The following GALNTL6 variants were observed in gnomAD, a reference collection of about 807,000 sequenced individuals.
The protein encoded by GALNTL6 is polypeptide N-acetylgalactosaminyltransferase-like 6.
Under a neutral mutation model 73.7 loss-of-function variants are expected in GALNTL6, and 46 were observed. That is an observed-to-expected ratio of 0.62 (90% CI 0.49 to 0.80). The LOEUF (loss-of-function observed/expected upper bound fraction) is 0.80, where lower values mean the gene tolerates loss of function less well. Among genes scored for constraint, GALNTL6 ranks in the 30% least tolerant of loss-of-function variants. The probability of loss-of-function intolerance (pLI) is 0.00; values close to 1 mark genes in which losing one functional copy is unlikely to be tolerated. For missense variants in GALNTL6, 604 were observed against 755.0 expected (o/e 0.80, Z 2.34); for synonymous variants, 259 against 263.7 (o/e 0.98, Z 0.17).
chr4:172,553,281 T>G (rs1736030537), intron 5 of GALNTL6, among the ~76,000 whole-genome samples: 1 of 152,194 alleles, frequency 6.6e-6, no homozygotes, highest in South Asian at 2.1e-4. Flanking sequence ...CAAATTGACT[T>G]GAACAGCCTC....
At chr4:172,538,221 G>A (rs1361327234) in intron 5 of GALNTL6, among the ~76,000 whole-genome samples, 2 of 152,094 alleles carry the variant, frequency 1.3e-5, no homozygotes, top group African/African-American at 2.4e-5. Flanking sequence ...AGCACTTTGG[G>A]AGACTGAGGT....
chr4:172,037,019 G>A (rs1741946622), intron 2 of GALNTL6, among the ~76,000 whole-genome samples: 1 of 152,016 alleles, frequency 6.6e-6, no homozygotes, highest in Admixed American at 6.6e-5. Flanking sequence ...GATATGTGTG[G>A]AATGATGGCT....
chr4:172,965,725 C>G (rs1447250489), intron 10 of GALNTL6, among the ~76,000 whole-genome samples: 2 of 151,812 alleles, frequency 1.3e-5, no homozygotes, highest in Non-Finnish European at 2.9e-5. Context: ...ATTAGAGGTG[C>G]TTCCGAGTTA....
intron 5 of GALNTL6, among the ~76,000 whole-genome samples, chr4:172,775,682 T>A (rs1246679131): frequency 2.0e-5 from 3 of 152,184 alleles, no homozygotes; most frequent in Non-Finnish European, 4.4e-5. Context: ...TATGCCTTTT[T>A]GTTTTGTCTT....
At chr4:172,685,460 G>A (rs770946016) in intron 5 of GALNTL6, among the ~76,000 whole-genome samples, 2 of 152,136 alleles carry the variant, frequency 1.3e-5, no homozygotes, top group Non-Finnish European at 2.9e-5. Flanking sequence ...CTTATAGTGA[G>A]ATCAATTACT....
At chr4:171,831,322 G>C (rs1357843130) in intron 2 of GALNTL6, among the ~76,000 whole-genome samples, 3 of 151,972 alleles carry the variant, frequency 2.0e-5, no homozygotes, top group Admixed American at 6.6e-5. Context: ...GATATGACAA[G>C]CTTTATTTGG....
At chr4:171,995,052 T>C (rs1185087020) in intron 2 of GALNTL6, among the ~76,000 whole-genome samples, 6 of 151,960 alleles carry the variant, frequency 3.9e-5, no homozygotes, top group African/African-American at 1.4e-4. Context: ...GAAACTGTTC[T>C]TATAAAATTC....
intron 2 of GALNTL6, among the ~76,000 whole-genome samples, chr4:172,131,124 G>T (rs1002778082): frequency 6.6e-6 from 1 of 151,766 alleles, no homozygotes; most frequent in South Asian, 2.1e-4. Context: ...TTTTGTCAAA[G>T]AAGATTTAAT....
intron 5 of GALNTL6, among the ~76,000 whole-genome samples, chr4:172,566,516 C>T (rs1199709577): frequency 6.6e-6 from 1 of 151,362 alleles, no homozygotes; most frequent in Non-Finnish European, 1.5e-5. Flanking sequence ...CACAACATAC[C>T]AAAACTTGTA....
chr4:172,314,692 C>G (rs1479200360), intron 4 of GALNTL6, among the ~76,000 whole-genome samples: 1 of 147,142 alleles, frequency 6.8e-6, no homozygotes, highest in Non-Finnish European at 1.5e-5. Flanking sequence ...ACTGCAACCT[C>G]CGCCTCCTGG....
chr4:172,330,702 T>C (rs543962566), intron 4 of GALNTL6, among the ~76,000 whole-genome samples: 2 of 152,194 alleles, frequency 1.3e-5, no homozygotes, highest in Non-Finnish European at 2.9e-5. Context: ...TTCACTGAGC[T>C]TTTGAAGCTC....
intron 2 of GALNTL6, among the ~76,000 whole-genome samples, chr4:171,838,763 T>G (rs910411594): frequency 6.6e-6 from 1 of 152,114 alleles, no homozygotes. Flanking sequence ...ATAAAATGCA[T>G]AGAGAATGGA....
At chr4:172,721,516 G>A (rs1036466609) in intron 5 of GALNTL6, among the ~76,000 whole-genome samples, 1 of 152,164 alleles carries the variant, frequency 6.6e-6, no homozygotes, top group Non-Finnish European at 1.5e-5. Context: ...GAAACTATCA[G>A]ATGATTTCAA....
chr4:172,135,238 A>G (rs1450007310), intron 2 of GALNTL6, among the ~76,000 whole-genome samples: 1 of 152,232 alleles, frequency 6.6e-6, no homozygotes, highest in East Asian at 1.9e-4. Context: ...AGATTAGTGA[A>G]ATTTTCCAGA....
At chr4:172,564,080 A>G (rs905900359) in intron 5 of GALNTL6, among the ~76,000 whole-genome samples, 4 of 152,162 alleles carry the variant, frequency 2.6e-5, no homozygotes, top group Non-Finnish European at 5.9e-5. Flanking sequence ...ATTTTCTATT[A>G]TTAGATCACA....
At chr4:171,857,788 AG>A (rs1441799094) in intron 2 of GALNTL6, among the ~76,000 whole-genome samples, 1 of 152,186 alleles carries the variant, frequency 6.6e-6, no homozygotes, top group East Asian at 1.9e-4. Flanking sequence ...GCTGCTTTGC[AG>A]GGCTATTTTT....
chr4:172,999,518 T>A (rs1192337739), intron 10 of GALNTL6, among the ~76,000 whole-genome samples: 1 of 152,094 alleles, frequency 6.6e-6, no homozygotes, highest in Non-Finnish European at 1.5e-5. Flanking sequence ...GGATTTGAAG[T>A]TGAAAGGCAA....
At chr4:172,764,451 T>C (rs887206802) in intron 5 of GALNTL6, among the ~76,000 whole-genome samples, 3 of 152,038 alleles carry the variant, frequency 2.0e-5, no homozygotes, top group Non-Finnish European at 4.4e-5. Context: ...ACTAGTTATA[T>C]ATAATAATTA....
chr4:172,283,862 T>C (rs1419641876), intron 3 of GALNTL6, among the ~76,000 whole-genome samples: 1 of 152,164 alleles, frequency 6.6e-6, no homozygotes, highest in Non-Finnish European at 1.5e-5. Context: ...ATTCATCACC[T>C]TCAAGAGAAT....
Sources: allele counts gnomAD v4.1 joint callset (sites outside exome capture counted in the v4.1 genomes callset), GRCh38; gene constraint gnomAD v4.1.1; transcripts MANE v1.5; gene names NCBI Gene and HGNC (gene_info 2026-07-23, HGNC 2026-07-21).